TNRC6B: variants seen among roughly 807,000 people sequenced by gnomAD.
TNRC6B encodes trinucleotide repeat-containing gene 6B protein.
TNRC6B carries 52 observed loss-of-function variants against 203.6 expected under a neutral mutation model. That is an observed-to-expected ratio of 0.26 (90% confidence interval 0.20 to 0.32). The LOEUF (loss-of-function observed/expected upper bound fraction) is 0.32, where lower values mean the gene tolerates loss of function less well. TNRC6B is among the 10% of genes least tolerant of loss of function. The pLI, the probability that TNRC6B is intolerant of heterozygous loss-of-function variation, is 1.00. For synonymous variants in TNRC6B, 838 were observed against 845.7 expected, an observed-to-expected ratio of 0.99 and a Z score of 0.16; for missense variants, 1,923 against 2,286.2, an observed-to-expected ratio of 0.84 and a Z score of 3.24.
At chr22:40,312,464 T>TA (rs2071197551) in intron 17 of TNRC6B, 41 bp from the exon 18 acceptor site, 1 of 1,577,874 alleles carries the variant, frequency 6.3e-7, no homozygotes, top group Non-Finnish European at 8.6e-7. Flanking sequence ...CATTTTTTTT[T>TA]AACGACCTTC....
chr22:40,195,516 G>T (rs1725257139), intron 1 of TNRC6B, among the ~76,000 whole-genome samples: 1 of 152,088 alleles, frequency 6.6e-6, no homozygotes, highest in Non-Finnish European at 1.5e-5. Flanking sequence ...AGGCTGGAGT[G>T]CAATGGCACG....
At chr22:40,263,299 T>G (rs997623303) in intron 4 of TNRC6B, among the ~76,000 whole-genome samples, 1 of 152,234 alleles carries the variant, frequency 6.6e-6, no homozygotes, top group Admixed American at 6.5e-5. Flanking sequence ...GTCACCATCT[T>G]GCTGTGTGCA....
chr22:40,295,729 C>G, intron 12 of TNRC6B, among the ~76,000 whole-genome samples: 1 of 148,822 alleles, frequency 6.7e-6, no homozygotes, highest in African/African-American at 2.5e-5. Flanking sequence ...CTGAGACTTG[C>G]AAAAAAAAAT....
chr22:40,256,044 G>A (rs536033347), intron 3 of TNRC6B, among the ~76,000 whole-genome samples: 6 of 152,276 alleles, frequency 3.9e-5, no homozygotes, highest in African/African-American at 1.2e-4. Flanking sequence ...AGTAGAGACG[G>A]GGTTTCACTG....
rs555013829 is a variant in TNRC6B at position 40,308,568 on chromosome 22, G to C, written c.4177G>C (p.Glu1393Gln). 1 of 1,613,960 alleles carries C rather than the reference G, an allele frequency of 6.2e-7. No homozygotes were observed. The highest frequency in any genetic ancestry group is 1.1e-5 in the South Asian group (1 of 91,082). The change falls in exon 16 of 23, where the codon GAG becomes CAG. Residue 1393 changes from glutamate to glutamine, a missense_variant. Glu to Gln is a conservative substitution (Grantham distance 29). Coordinates refer to ENST00000454349, the MANE Select transcript of TNRC6B (RefSeq NM_001162501.2). Reference sequence around the variant, plus strand: ...GGTTGGTGGGAAGGAGGCTGGAACCGAGTCTCGCTTTAAACAGTGGACCTC... The same window carrying C: ...GGTTGGTGGGAAGGAGGCTGGAACCCAGTCTCGCTTTAAACAGTGGACCTC... ...GMVGGKEAGT[E>Q]SRFKQWTSMM...
intron 5 of TNRC6B, among the ~76,000 whole-genome samples, chr22:40,269,318 G>A (rs909025224): frequency 6.6e-6 from 1 of 151,388 alleles, no homozygotes; most frequent in Non-Finnish European, 1.5e-5. Context: ...TTTTTTGCTG[G>A]AGATGGGGTT....
chr22:40,048,807 T>TTTCC (rs546126130), intron 1 of TNRC6B, among the ~76,000 whole-genome samples: 52 of 152,034 alleles, frequency 3.4e-4, no homozygotes, highest in South Asian at 1.9e-3. Flanking sequence ...CTCTTTTCTT[T>TTTCC]TTCCTTCCTT....
intron 1 of TNRC6B, among the ~76,000 whole-genome samples, chr22:40,181,948 G>GA (rs397809536): frequency 0.68 from 96,589 of 141,828 alleles, 33,686 homozygotes; most frequent in African/African-American, 0.89. Flanking sequence ...TGTCTCGAGA[G>GA]AAAAAAAAAA....
At chr22:40,226,153 AATTCAATT>A (rs1380252199) in intron 1 of TNRC6B, among the ~76,000 whole-genome samples, 1 of 152,228 alleles carries the variant, frequency 6.6e-6, no homozygotes, top group African/African-American at 2.4e-5. Flanking sequence ...TCGTCAAGGT[AATTCAATT>A]ATTCAGCTTG....
intron 3 of TNRC6B, among the ~76,000 whole-genome samples, chr22:40,258,957 T>C (rs868590733): frequency 1.3e-5 from 2 of 152,226 alleles, no homozygotes; most frequent in African/African-American, 2.4e-5. Flanking sequence ...GGGTAACTTA[T>C]AATGAAGATT....
chr22:40,286,138 G>T (rs906194186), intron 12 of TNRC6B, among the ~76,000 whole-genome samples: 1 of 152,174 alleles, frequency 6.6e-6, no homozygotes, highest in South Asian at 2.1e-4. Context: ...ATGTGTCAAT[G>T]TTCAGAGGCT....
rs375164925 is a variant in TNRC6B at position 40,156,126 on chromosome 22, G to T, written c.57G>T (p.Glu19Asp). Residue 19 changes from glutamate to aspartate, a missense_variant, in exon 4 of 24, where the codon GAG becomes GAT. Glu to Asp is a conservative substitution (Grantham distance 45). Transcript: ENST00000301923. ...GCTTGCCTTTGCAGGTGGAACAGGA[G>T]GATTTTGTAATGGAAGGGCATGGCA... 36 of 1,581,038 alleles carry T rather than the reference G, an allele frequency of 2.3e-5. No individual in the cohort carries two copies. In the African/African-American group the frequency reaches 4.2e-4, roughly 18 times the overall value.
At chr22:40,143,583 G>T (rs1270398942) in intron 3 of TNRC6B, among the ~76,000 whole-genome samples, 4 of 152,076 alleles carry the variant, frequency 2.6e-5, no homozygotes, top group Non-Finnish European at 5.9e-5. Flanking sequence ...TCCACCTCCC[G>T]GGTTCACTTC....
chr22:40,256,374 T>G (rs2070278177), intron 3 of TNRC6B, among the ~76,000 whole-genome samples: 1 of 152,236 alleles, frequency 6.6e-6, no homozygotes, highest in Non-Finnish European at 1.5e-5. Context: ...TTTAAGCCAC[T>G]ACTTATGGCC....
chr22:40,187,786 G>A (rs1015390280), intron 1 of TNRC6B, among the ~76,000 whole-genome samples: 12 of 152,284 alleles, frequency 7.9e-5, no homozygotes, highest in African/African-American at 2.9e-4. Context: ...CCAATTGAAC[G>A]CATATTTACT....
chr22:40,229,619 G>C (rs2069839858), intron 1 of TNRC6B, among the ~76,000 whole-genome samples: 1 of 151,926 alleles, frequency 6.6e-6, no homozygotes, highest in Non-Finnish European at 1.5e-5. Flanking sequence ...ACCCTTCTCT[G>C]CCCCTTCTCC....
chr22:40,046,472 A>C (rs961872920), intron 1 of TNRC6B, among the ~76,000 whole-genome samples: 2 of 152,116 alleles, frequency 1.3e-5, no homozygotes, highest in African/African-American at 4.8e-5. Context: ...TTAGTTCTTT[A>C]CTATTATTAA....
At chr22:40,107,053 C>T in intron 1 of TNRC6B, 2 of 861,984 alleles carry the variant, frequency 2.3e-6, no homozygotes, top group Non-Finnish European at 3.8e-6. Context: ...TTCTTCTTTT[C>T]TACACCCTCC....
At chr22:40,256,689 G>A (rs910638728) in intron 3 of TNRC6B, among the ~76,000 whole-genome samples, 11 of 152,170 alleles carry the variant, frequency 7.2e-5, no homozygotes, top group African/African-American at 2.4e-4. Flanking sequence ...CATATGGCCA[G>A]TAAACCCTAA....
Sources: allele counts gnomAD v4.1 joint callset (sites outside exome capture counted in the v4.1 genomes callset), GRCh38; gene constraint gnomAD v4.1.1; transcripts MANE v1.5; gene names NCBI Gene and HGNC (gene_info 2026-07-23, HGNC 2026-07-21).